TENM4: variants seen among roughly 807,000 people sequenced by gnomAD.
TENM4 encodes teneurin transmembrane protein 4.
Under a neutral mutation model 243.3 loss-of-function variants are expected in TENM4, and 82 were observed. The observed-to-expected ratio is 0.34, with a 90% CI of 0.28 to 0.40. The LOEUF is 0.40. TENM4 is among the 10% of genes least tolerant of loss of function. TENM4 has a pLI of 1.00. For synonymous variants in TENM4, 1,412 were observed against 1,456.3 expected, an observed-to-expected ratio of 0.97 and a Z score of 0.69; for missense variants, 3,138 against 3,673.3, an observed-to-expected ratio of 0.85 and a Z score of 3.77.
chr11:79,335,536 G>C (rs1490379981), intron 1 of TENM4, among the ~76,000 whole-genome samples: 1 of 152,186 alleles, frequency 6.6e-6, no homozygotes, highest in African/African-American at 2.4e-5. Context: ...CTCAGCTTAG[G>C]GGGAAAGGCA....
chr11:79,315,292 T>C (rs1166111055), intron 1 of TENM4, among the ~76,000 whole-genome samples: 1 of 152,174 alleles, frequency 6.6e-6, no homozygotes, highest in Non-Finnish European at 1.5e-5. Context: ...ACCTGTCCCC[T>C]ACTCCTCAGC....
At chr11:79,139,768 TAA>T (rs1413139759) in intron 4 of TENM4, among the ~76,000 whole-genome samples, 1 of 27,274 alleles carries the variant, frequency 3.7e-5, no homozygotes, top group East Asian at 5.1e-4. Flanking sequence ...TATATTTATA[TAA>T]ATATATAATA....
At chr11:79,110,145 C>T (rs1263122437) in intron 4 of TENM4, among the ~76,000 whole-genome samples, 1 of 152,208 alleles carries the variant, frequency 6.6e-6, no homozygotes, top group Non-Finnish European at 1.5e-5. Flanking sequence ...TGCCAGGAAA[C>T]TTTGTGCAAC....
chr11:79,402,648 C>T (rs927686080), intron 1 of TENM4, among the ~76,000 whole-genome samples: 4 of 152,152 alleles, frequency 2.6e-5, no homozygotes, highest in African/African-American at 9.7e-5. Flanking sequence ...CCACTCTCCT[C>T]TCTTCCCCAA....
At chr11:79,032,869 C>T (rs1220758973) in intron 6 of TENM4, among the ~76,000 whole-genome samples, 5 of 152,094 alleles carry the variant, frequency 3.3e-5, no homozygotes, top group Non-Finnish European at 7.4e-5. Flanking sequence ...TCCTCAGGCC[C>T]CTGAGAATTA....
intron 16 of TENM4, among the ~76,000 whole-genome samples, chr11:78,782,980 T>A (rs187500759): frequency 7.2e-5 from 11 of 152,244 alleles, no homozygotes; most frequent in Middle Eastern, 3.4e-3. Flanking sequence ...ATTCTGTATA[T>A]GTGGTATCTT....
At chr11:79,296,420 T>C (rs1856454898) in intron 2 of TENM4, among the ~76,000 whole-genome samples, 1 of 152,166 alleles carries the variant, frequency 6.6e-6, no homozygotes. Context: ...CTGGAGCAGG[T>C]TTCCCTTGGT....
chr11:79,138,556 TAAATACATAAAACATATATTTATATA>T (rs1565219495), intron 4 of TENM4, among the ~76,000 whole-genome samples: 1 of 34,792 alleles, frequency 2.9e-5, no homozygotes, highest in Non-Finnish European at 5.6e-5. Context: ...TATATTTATA[TAAATACATAAAACATATATTTATATA>T]AATACATAAA....
At chr11:79,144,821 G>A (rs1009416536) in intron 4 of TENM4, among the ~76,000 whole-genome samples, 1 of 151,226 alleles carries the variant, frequency 6.6e-6, no homozygotes, top group Non-Finnish European at 1.5e-5. Context: ...ATGGCTAATG[G>A]GTACAAAAAA....
At chr11:78,848,018 T>C (rs899780311) in intron 12 of TENM4, among the ~76,000 whole-genome samples, 1 of 152,174 alleles carries the variant, frequency 6.6e-6, no homozygotes, top group Middle Eastern at 3.2e-3. Flanking sequence ...TCTTGGAAGA[T>C]AGGAACTTAG....
intron 9 of TENM4, among the ~76,000 whole-genome samples, chr11:78,875,709 T>C (rs1318489741): frequency 6.6e-6 from 1 of 152,174 alleles, no homozygotes; most frequent in East Asian, 1.9e-4. Context: ...GTTTCTCATC[T>C]ATGGAAATGG....
chr11:79,336,212 G>C lies in TENM4; in HGVS notation c.-320-38669C>G, dbSNP rs1251087020. ...TCTTGAGGGGTGGGAAGGAGGTATG[G>C]TTTAGTCCATAGAGCCCAAATCATG... is the stretch of plus-strand genomic sequence containing the variant. On this transcript the variant is annotated intron_variant, in intron 1 of 33. Coordinates refer to ENST00000278550, the MANE Select transcript of TENM4 (RefSeq NM_001098816.3). Among the ~76,000 whole-genome samples the C allele has an allele frequency of 2.4e-4, 37 of 152,138 alleles. 1 individual carries two copies. Among genetic ancestry groups the C allele is most frequent in the Admixed American group, 2.4e-3 (37 of 15,280 alleles).
chr11:78,975,274 G>C (rs973248914), intron 6 of TENM4, among the ~76,000 whole-genome samples: 4 of 151,934 alleles, frequency 2.6e-5, no homozygotes, highest in Admixed American at 6.6e-5. Flanking sequence ...CCTTGCCCAC[G>C]CGCTGCCTCC....
At chr11:78,873,893 G>A (rs1275749872) in intron 9 of TENM4, among the ~76,000 whole-genome samples, 1 of 151,810 alleles carries the variant, frequency 6.6e-6, no homozygotes. Flanking sequence ...TTGCTGATAC[G>A]ATGCCCTCTG....
At chr11:78,884,333 T>C (rs1855500445) in intron 9 of TENM4, among the ~76,000 whole-genome samples, 1 of 152,202 alleles carries the variant, frequency 6.6e-6, no homozygotes, top group Non-Finnish European at 1.5e-5. Flanking sequence ...TTCCAGCCAC[T>C]TCCATAAGGA....
chr11:79,217,461 C>T (rs1864074935), intron 2 of TENM4, among the ~76,000 whole-genome samples: 1 of 152,070 alleles, frequency 6.6e-6, no homozygotes, highest in Non-Finnish European at 1.5e-5. Flanking sequence ...TCATTTTTCC[C>T]AAATAGATCT....
intron 6 of TENM4, among the ~76,000 whole-genome samples, chr11:78,980,142 CAGA>C (rs1451512500): frequency 6.6e-6 from 1 of 152,198 alleles, no homozygotes; most frequent in African/African-American, 2.4e-5. Flanking sequence ...CCTTTGCTGT[CAGA>C]AGAACTTTAT....
At chr11:79,104,406 A>G (rs995202264) in intron 4 of TENM4, among the ~76,000 whole-genome samples, 2 of 152,234 alleles carry the variant, frequency 1.3e-5, no homozygotes, top group African/African-American at 4.8e-5. Flanking sequence ...CATTTTCTGC[A>G]TCTACGTATG....
chr11:79,047,001 T>C (rs1030875438), intron 6 of TENM4, among the ~76,000 whole-genome samples: 1 of 152,196 alleles, frequency 6.6e-6, no homozygotes, highest in Admixed American at 6.5e-5. Flanking sequence ...TACATATTTA[T>C]GGAATTTTAT....
Sources: gnomAD v4.1 joint callset for allele counts (sites outside exome capture counted in the v4.1 genomes callset) on GRCh38, gnomAD v4.1.1 for gene constraint, MANE v1.5 for transcripts, NCBI Gene and HGNC (gene_info 2026-07-23, HGNC 2026-07-21) for gene names.